PUM1: variants seen among roughly 807,000 people sequenced by gnomAD.
The protein encoded by PUM1 is pumilio homolog 1.
In PUM1, 13 loss-of-function variants were observed where a neutral mutation model predicts 131.8. That is an observed-to-expected ratio of 0.10 (90% CI 0.06 to 0.16). The LOEUF (loss-of-function observed/expected upper bound fraction) is 0.16. Among genes scored for constraint, PUM1 ranks in the 10% least tolerant of loss-of-function variants. The pLI is 1.00. For missense variants in PUM1, 961 were observed against 1,512.4 expected (o/e 0.64, Z 6.05); for synonymous variants, 509 against 556.5 (o/e 0.91, Z 1.20).
At chr1:30,990,877 C>T (rs918884256) in intron 7 of PUM1, among the ~76,000 whole-genome samples, 2 of 152,034 alleles carry the variant, frequency 1.3e-5, no homozygotes, top group African/African-American at 4.8e-5. Flanking sequence ...GTGAGGGCAC[C>T]CTTGGTTTTA....
At chr1:30,974,087 C>CAA (rs201918935) in intron 10 of PUM1, among the ~76,000 whole-genome samples, 2 of 106,810 alleles carry the variant, frequency 1.9e-5, no homozygotes, top group Admixed American at 9.8e-5. Context: ...GACTCCATCT[C>CAA]AAAAAAAAAA....
chr1:31,030,088 G>A (rs1271667938), intron 2 of PUM1, among the ~76,000 whole-genome samples: 1 of 151,622 alleles, frequency 6.6e-6, no homozygotes, highest in Non-Finnish European at 1.5e-5. Flanking sequence ...GTGGTGGCAG[G>A]CGCCTATAAT....
At chr1:31,043,045 T>C (rs921927392) in intron 2 of PUM1, among the ~76,000 whole-genome samples, 5 of 152,156 alleles carry the variant, frequency 3.3e-5, no homozygotes, top group Non-Finnish European at 5.9e-5. Context: ...TATAATTCCC[T>C]CCTCTCTTTA....
intron 10 of PUM1, among the ~76,000 whole-genome samples, chr1:30,973,819 G>A (rs570066303): frequency 1.6e-4 from 25 of 152,004 alleles, no homozygotes; most frequent in African/African-American, 6.0e-4. Context: ...GGCCAGGCAC[G>A]GTGGTCACGC....
intron 14 of PUM1, among the ~76,000 whole-genome samples, chr1:30,964,036 G>C (rs1378342427): frequency 6.6e-6 from 1 of 152,010 alleles, no homozygotes; most frequent in Non-Finnish European, 1.5e-5. Flanking sequence ...CATTCTTATA[G>C]CCTGCTGCTT....
At chr1:30,940,401 G>A (rs763577640) in intron 20 of PUM1, among the ~76,000 whole-genome samples, 1 of 152,170 alleles carries the variant, frequency 6.6e-6, no homozygotes, top group Non-Finnish European at 1.5e-5. Flanking sequence ...GCTTGAGCCT[G>A]AGAGGTGGAG....
At chr1:30,949,829 T>C (rs1055228331) in intron 17 of PUM1, among the ~76,000 whole-genome samples, 35 of 152,198 alleles carry the variant, frequency 2.3e-4, no homozygotes, top group Non-Finnish European at 4.9e-4. Flanking sequence ...GATGGCTTAT[T>C]AGTATTTTAC....
Position 30,933,113 on chromosome 1 carries a change from G to T in PUM1, c.*98C>A. 2.1e-6 allele frequency: 3 copies of T among 1,420,684 alleles called. No individual in the cohort carries two copies. Among genetic ancestry groups the T allele is most frequent in the Non-Finnish European group, 2.8e-6 (3 of 1,061,302 alleles). The allele number at this position is 1,420,684 out of a possible 1,614,324, so 88.0% of individuals were successfully genotyped here. On this transcript the variant is annotated 3_prime_UTR_variant, in exon 22 of 22. Transcript: ENST00000426105. ...GTAATCCTGGAGCAACCACTTGCCCGTCTCAGACTCTACACTAGAACATTT... is the reference window on the plus strand; with the variant it reads ...GTAATCCTGGAGCAACCACTTGCCCTTCTCAGACTCTACACTAGAACATTT...
chr1:30,941,428 C>T (rs1639435073), intron 19 of PUM1, among the ~76,000 whole-genome samples, 156 bp from the exon 20 acceptor site: 2 of 152,126 alleles, frequency 1.3e-5, no homozygotes, highest in Non-Finnish European at 2.9e-5. Context: ...CAGGTAGTAA[C>T]GTTCTTCTCT....
intron 3 of PUM1, among the ~76,000 whole-genome samples, chr1:31,021,600 C>T (rs1028086120): frequency 3.9e-5 from 6 of 152,152 alleles, no homozygotes; most frequent in African/African-American, 1.4e-4. Flanking sequence ...ATAAAACAAA[C>T]TGGGCCATGA....
intron 3 of PUM1, among the ~76,000 whole-genome samples, chr1:31,019,657 G>A (rs768294639): frequency 2.6e-5 from 4 of 152,162 alleles, no homozygotes; most frequent in Non-Finnish European, 5.9e-5. Flanking sequence ...GTGCCCTTCT[G>A]AATCTGAAAG....
intron 2 of PUM1, among the ~76,000 whole-genome samples, chr1:31,038,933 T>C (rs1030645829): frequency 7.3e-6 from 1 of 136,640 alleles, no homozygotes; most frequent in Non-Finnish European, 1.5e-5. Context: ...AGAATTTATA[T>C]AGCCATTTAA....
intron 2 of PUM1, among the ~76,000 whole-genome samples, chr1:31,039,992 A>T (rs1643767299): frequency 6.6e-6 from 1 of 152,186 alleles, no homozygotes; most frequent in Non-Finnish European, 1.5e-5. Context: ...CATCTCAAAA[A>T]TAATAATAAT....
At chr1:31,014,324 T>A (rs10914242) in intron 3 of PUM1, among the ~76,000 whole-genome samples, 13,402 of 93,480 alleles carry the variant, frequency 0.14, 1,713 homozygotes, top group East Asian at 0.41. Context: ...AAAAAAAAAA[T>A]CTACATTCAA....
chr1:31,012,978 G>T (rs1486541902), intron 3 of PUM1, among the ~76,000 whole-genome samples: 1 of 152,120 alleles, frequency 6.6e-6, no homozygotes, highest in East Asian at 1.9e-4. Flanking sequence ...CAATGAAAGA[G>T]ATAACACATG....
Position 30,953,741 on chromosome 1 carries a change from T to G in PUM1, c.2564A>C (p.Glu855Ala). 6.2e-7 allele frequency: 1 copy of G among 1,614,182 alleles called. No homozygotes were observed. The highest frequency in any genetic ancestry group is 1.3e-5 in the African/African-American group (1 of 75,040). ...GGACCCATGCTGGTCTTGGGAAAAT[T>G]CCATTATATGTCCAGCAATCTCCCG... ...QLREIAGHIMEFSQDQHGSRF... is the reference protein window; with the variant it reads ...QLREIAGHIMAFSQDQHGSRF... Residue 855 changes from glutamate (E) to alanine (A), a missense_variant, in exon 15 of 22, where the codon GAA becomes GCA. By Grantham distance (107) the Glu-to-Ala change is moderately radical (BLOSUM62 -1). This residue lies in a region of PUM1 where 117 missense variants were observed against 200.7 expected (regional missense o/e 0.58). Coordinates refer to ENST00000426105, the MANE Select transcript of PUM1 (RefSeq NM_001020658.2).
intron 3 of PUM1, among the ~76,000 whole-genome samples, chr1:31,015,166 G>T (rs574274364): frequency 6.6e-6 from 1 of 152,288 alleles, no homozygotes; most frequent in African/African-American, 2.4e-5. Context: ...AAGCAGAAGA[G>T]TGTTTGTTAG....
chr1:30,989,598 A>AAAAAAAAC (rs1641704874), intron 7 of PUM1, among the ~76,000 whole-genome samples: 1 of 150,868 alleles, frequency 6.6e-6, no homozygotes, highest in African/African-American at 2.4e-5. Flanking sequence ...AAAAAAAAAA[A>AAAAAAAAC]AGAACCACTT....
intron 14 of PUM1, among the ~76,000 whole-genome samples, chr1:30,961,846 G>A (rs538272062): frequency 1.8e-4 from 28 of 152,246 alleles, no homozygotes; most frequent in Admixed American, 9.8e-4. Context: ...GGGTTCTTTT[G>A]AGTATTCAAC....
Sources: gnomAD v4.1 joint callset for allele counts (sites outside exome capture counted in the v4.1 genomes callset) on GRCh38, gnomAD v4.1.1 for gene constraint, gnomAD v4.1.1 regional missense constraint, MANE v1.5 for transcripts, NCBI Gene and HGNC (gene_info 2026-07-23, HGNC 2026-07-21) for gene names.